The following INTS4 variants were observed in gnomAD, a reference collection of about 807,000 sequenced individuals.
INTS4 encodes the protein integrator complex subunit 4.
Under a neutral mutation model 119.5 loss-of-function variants are expected in INTS4, and 70 were observed. The observed-to-expected ratio is 0.59, with a 90% CI of 0.48 to 0.71. The LOEUF is 0.71. Among genes scored for constraint, INTS4 ranks in the 30% least tolerant of loss-of-function variants. The pLI, the probability that INTS4 is intolerant of heterozygous loss-of-function variation, is 0.00. For synonymous variants in INTS4, 316 were observed against 419.6 expected (o/e 0.75, Z 3.02); for missense variants, 867 against 1,173.2 (o/e 0.74, Z 3.81).
intron 22 of INTS4, 42 bp from the exon 23 acceptor site, chr11:77,879,169 G>T: frequency 6.2e-7 from 1 of 1,603,204 alleles, no homozygotes. Context: ...CTAGGCAACT[G>T]CTAGGAATGA....
chr11:77,902,500 G>T (rs1179581120), intron 17 of INTS4, among the ~76,000 whole-genome samples: 1 of 152,098 alleles, frequency 6.6e-6, no homozygotes, highest in Non-Finnish European at 1.5e-5. Context: ...CAGATTCTGG[G>T]TATCAGAGGA....
chr11:77,965,249 C>G (rs1177796421), intron 4 of INTS4, among the ~76,000 whole-genome samples: 1 of 152,114 alleles, frequency 6.6e-6, no homozygotes, highest in Non-Finnish European at 1.5e-5. Context: ...CAGAGTCTCA[C>G]CACATTTGCC....
intron 10 of INTS4, among the ~76,000 whole-genome samples, chr11:77,934,195 T>C: frequency 6.6e-6 from 1 of 151,968 alleles, no homozygotes; most frequent in Non-Finnish European, 1.5e-5. Context: ...GAAGGCAGCA[T>C]GCTCTTTAAG....
chr11:77,877,812 G>C (rs1951641559), downstream of INTS4, among the ~76,000 whole-genome samples: 1 of 151,748 alleles, frequency 6.6e-6, no homozygotes, highest in Non-Finnish European at 1.5e-5. Flanking sequence ...TGAACTCCTG[G>C]GCTCAAGAAA....
At chr11:77,920,192 T>TACACAC (rs1320570707) in intron 14 of INTS4, among the ~76,000 whole-genome samples, 1 of 148,506 alleles carries the variant, frequency 6.7e-6, no homozygotes, top group Non-Finnish European at 1.5e-5. Flanking sequence ...TACACATATA[T>TACACAC]ATACATATAT....
At chr11:77,954,932 C>G (rs1483760204) in intron 8 of INTS4, among the ~76,000 whole-genome samples, 1 of 152,088 alleles carries the variant, frequency 6.6e-6, no homozygotes, top group Non-Finnish European at 1.5e-5. Context: ...TCCTTTTTCT[C>G]TAGGCTCCGG....
At chr11:77,879,666 A>G (rs1266052676) in intron 22 of INTS4, among the ~76,000 whole-genome samples, 1 of 152,194 alleles carries the variant, frequency 6.6e-6, no homozygotes, top group African/African-American at 2.4e-5. Context: ...TCATTCTTTC[A>G]TTACATTATC....
chr11:77,977,806 T>C (rs528621766), intron 4 of INTS4: 3 of 151,716 alleles, frequency 2.0e-5, no homozygotes, highest in African/African-American at 4.8e-5. Context: ...TTCACAGATA[T>C]ATATTTCCTC....
chr11:77,894,854 C>T (rs1321380499), intron 18 of INTS4, among the ~76,000 whole-genome samples: 2 of 152,226 alleles, frequency 1.3e-5, no homozygotes, highest in Admixed American at 6.5e-5. Context: ...AGCCTACAGC[C>T]ATTGTATCGG....
At chr11:77,886,910 G>T (rs947442011) in intron 21 of INTS4, among the ~76,000 whole-genome samples, 1 of 151,970 alleles carries the variant, frequency 6.6e-6, no homozygotes, top group Non-Finnish European at 1.5e-5. Flanking sequence ...CGAGAACAAA[G>T]ACACAACATA....
At chr11:77,915,666 G>A (rs537299684) in intron 15 of INTS4, among the ~76,000 whole-genome samples, 8 of 152,242 alleles carry the variant, frequency 5.3e-5, no homozygotes, top group South Asian at 2.1e-4. Context: ...AAGTCCCCCA[G>A]GTGAGTAAAC....
At chr11:77,913,523 G>C (rs539504118) in intron 15 of INTS4, among the ~76,000 whole-genome samples, 2 of 152,194 alleles carry the variant, frequency 1.3e-5, no homozygotes, top group South Asian at 4.1e-4. Flanking sequence ...GTGTTAGCCA[G>C]GATGGTCTCG....
chr11:77,971,716 G>A (rs961827962), intron 4 of INTS4, among the ~76,000 whole-genome samples: 7 of 152,070 alleles, frequency 4.6e-5, no homozygotes, highest in African/African-American at 1.7e-4. Flanking sequence ...CCCATACTGT[G>A]GGTTGTCTTT....
intron 3 of INTS4, among the ~76,000 whole-genome samples, chr11:77,980,938 A>G (rs1856184295): frequency 6.6e-6 from 1 of 151,928 alleles, no homozygotes. Flanking sequence ...GCTTGCAGTG[A>G]GCCGAGATCG....
intron 12 of INTS4, among the ~76,000 whole-genome samples, chr11:77,923,359 CAA>C (rs1478951160): frequency 2.5e-4 from 37 of 147,654 alleles, no homozygotes; most frequent in African/African-American, 9.2e-4. Flanking sequence ...GCAGAGAAAC[CAA>C]AGAGAGCCCT....
chr11:77,939,981 C>T (rs1953891629), intron 9 of INTS4, among the ~76,000 whole-genome samples: 1 of 152,080 alleles, frequency 6.6e-6, no homozygotes, highest in Non-Finnish European at 1.5e-5. Context: ...TTTCCTTTCC[C>T]TTATCAAAAA....
rs566407142 is a variant in INTS4, at chr11:77,887,262, T to C, written c.2593-3310A>G. On this transcript the variant is annotated intron_variant, in intron 21 of 22. Coordinates refer to ENST00000534064, the MANE Select transcript of INTS4 (RefSeq NM_033547.4). Reference sequence around the variant, plus strand: ...CTTCATCCCTGGGATGCAAGGCTGGTTCAACATACGAAAATCAATAAATGT... The same window carrying C: ...CTTCATCCCTGGGATGCAAGGCTGGCTCAACATACGAAAATCAATAAATGT... Among the ~76,000 whole-genome samples, 370 of 152,276 alleles carry C rather than the reference T, an allele frequency of 2.4e-3. 4 individuals carry two copies. Among genetic ancestry groups the C allele is most frequent in the African/African-American group, 8.6e-3 (356 of 41,562 alleles).
chr11:77,922,306 C>T, intron 13 of INTS4, 50 bp downstream of exon 13: 9 of 1,541,200 alleles, frequency 5.8e-6, no homozygotes, highest in Non-Finnish European at 7.0e-6. Flanking sequence ...GAAGGAGATG[C>T]CAAAGCTGCC....
chr11:77,920,666 C>T (rs1355301606), intron 14 of INTS4, among the ~76,000 whole-genome samples: 1 of 151,860 alleles, frequency 6.6e-6, no homozygotes, highest in Admixed American at 6.6e-5. Context: ...TCCTGGCTAA[C>T]ACGGTGAAAC....
Sources: gnomAD v4.1 joint callset for allele counts (sites outside exome capture counted in the v4.1 genomes callset) on GRCh38, gnomAD v4.1.1 for gene constraint, MANE v1.5 for transcripts, NCBI Gene and HGNC (gene_info 2026-07-23, HGNC 2026-07-21) for gene names.